Variants in EYS observed in about 807,000 individuals in gnomAD.
EYS encodes the protein EGF-like photoreceptor maintenance factor, also known as protein eyes shut homolog.
In EYS, 250 loss-of-function variants were observed where a neutral mutation model predicts 282.1. The ratio of observed to expected loss-of-function variants is 0.89; its 90% confidence interval spans 0.80 to 0.98. The LOEUF (loss-of-function observed/expected upper bound fraction) is 0.98, where lower values mean the gene tolerates loss of function less well. EYS is among the 50% of genes least tolerant of loss of function. The pLI, the probability that EYS is intolerant of heterozygous loss-of-function variation, is 0.00. For synonymous variants in EYS, 1,355 were observed against 1,282.9 expected, an observed-to-expected ratio of 1.06 and a Z score of -1.20; for missense variants, 4,016 against 3,709.0, an observed-to-expected ratio of 1.08 and a Z score of -2.15.
intron 12 of EYS, among the ~76,000 whole-genome samples, chr6:65,120,551 A>T (rs541406152): frequency 1.3e-5 from 2 of 151,268 alleles, no homozygotes; most frequent in South Asian, 4.2e-4. Flanking sequence ...AATGCAAACC[A>T]TGTGGAGTTT....
At chr6:65,574,353 G>C (rs9363400) in intron 2 of EYS, among the ~76,000 whole-genome samples, 26,384 of 152,106 alleles carry the variant, frequency 0.17, 2,845 homozygotes, top group Middle Eastern at 0.33. Flanking sequence ...CAAAGACAAA[G>C]AGAAGGTCCT....
chr6:65,577,404 C>T (rs1342175660), intron 2 of EYS, among the ~76,000 whole-genome samples: 3 of 151,804 alleles, frequency 2.0e-5, no homozygotes, highest in African/African-American at 7.2e-5. Context: ...GTTAGACTCT[C>T]ATCTCTATCT....
At chr6:63,831,017 G>A (rs1313461297) in intron 36 of EYS, among the ~76,000 whole-genome samples, 4 of 152,298 alleles carry the variant, frequency 2.6e-5, no homozygotes, top group Non-Finnish European at 4.4e-5. Flanking sequence ...AACAAATGCT[G>A]AGAGATTTTG....
chr6:64,952,341 GACTTATATAATTTTAAGCATGTT>G (rs1554221022), intron 14 of EYS, among the ~76,000 whole-genome samples: 1 of 151,936 alleles, frequency 6.6e-6, no homozygotes, highest in Non-Finnish European at 1.5e-5. Context: ...TAAGAATTAT[GACTTATATAATTTTAAGCATGTT>G]ACTTAATTTC....
intron 12 of EYS, among the ~76,000 whole-genome samples, chr6:65,091,481 A>AAATAAATAAATG (rs1481532108): frequency 1.9e-4 from 29 of 151,642 alleles, no homozygotes; most frequent in Non-Finnish European, 3.7e-4. Context: ...ATAAATAAAT[A>AAATAAATAAATG]AATAACTGCT....
At chr6:64,454,173 GCT>G (rs2150479980) in intron 26 of EYS, among the ~76,000 whole-genome samples, 1 of 152,008 alleles carries the variant, frequency 6.6e-6, no homozygotes, top group South Asian at 2.1e-4. Context: ...CTGTATTTTG[GCT>G]CTGTCAGGCA....
chr6:65,511,270 T>C (rs1271682593), intron 2 of EYS, among the ~76,000 whole-genome samples: 1 of 152,174 alleles, frequency 6.6e-6, no homozygotes, highest in Non-Finnish European at 1.5e-5. Flanking sequence ...TTAAAGAGTA[T>C]GTAAATAATT....
intron 35 of EYS, among the ~76,000 whole-genome samples, chr6:63,923,824 C>T (rs1031847375): frequency 3.3e-5 from 5 of 152,122 alleles, no homozygotes; most frequent in South Asian, 2.1e-4. Flanking sequence ...TGAGAACATG[C>T]GGTATTTGGC....
At chr6:63,800,230 G>C (rs948240116) in intron 37 of EYS, among the ~76,000 whole-genome samples, 2 of 152,172 alleles carry the variant, frequency 1.3e-5, no homozygotes, top group Admixed American at 6.5e-5. Flanking sequence ...TTGTGATAGA[G>C]GTTGTGTGTG....
At chr6:64,979,450 G>A (rs1343827419) in intron 14 of EYS, among the ~76,000 whole-genome samples, 3 of 151,690 alleles carry the variant, frequency 2.0e-5, no homozygotes, top group Non-Finnish European at 4.4e-5. Context: ...GGGAAAAAAA[G>A]AGGAATCATA....
chr6:64,430,741 A>G (rs1774549705), intron 28 of EYS, among the ~76,000 whole-genome samples: 1 of 152,142 alleles, frequency 6.6e-6, no homozygotes, highest in Non-Finnish European at 1.5e-5. Flanking sequence ...AAGTGTCTCC[A>G]TGTGACTAAT....
chr6:65,092,762 C>A (rs992750391), intron 12 of EYS, among the ~76,000 whole-genome samples: 2 of 152,060 alleles, frequency 1.3e-5, no homozygotes, highest in Non-Finnish European at 1.5e-5. Context: ...TAACACAGGT[C>A]ATTTGCAATT....
intron 29 of EYS, among the ~76,000 whole-genome samples, chr6:64,368,129 T>G (rs919664838): frequency 1.3e-5 from 2 of 152,092 alleles, no homozygotes; most frequent in Non-Finnish European, 1.5e-5. Context: ...TGGTGTCTGT[T>G]GTTCTCGTCT....
At chr6:65,396,299 C>T (rs565456793) in intron 7 of EYS, among the ~76,000 whole-genome samples, 6 of 152,234 alleles carry the variant, frequency 3.9e-5, no homozygotes, top group African/African-American at 1.4e-4. Flanking sequence ...TCAATGTTAA[C>T]TTACATAATC....
At chr6:65,261,457 A>G (rs1265746817) in intron 12 of EYS, among the ~76,000 whole-genome samples, 1 of 152,146 alleles carries the variant, frequency 6.6e-6, no homozygotes, top group African/African-American at 2.4e-5. Context: ...AAAACTCTTA[A>G]GTTGCTTGTG....
chr6:64,981,255 G>GT (rs1287945478), intron 14 of EYS, among the ~76,000 whole-genome samples: 1 of 151,324 alleles, frequency 6.6e-6, no homozygotes, highest in Admixed American at 6.6e-5. Flanking sequence ...AGAATGCAAG[G>GT]TAATAGAGAA....
intron 11 of EYS, among the ~76,000 whole-genome samples, chr6:65,306,571 T>G (rs1007348341): frequency 6.6e-6 from 1 of 151,900 alleles, no homozygotes; most frequent in African/African-American, 2.4e-5. Flanking sequence ...CTGGTATTAG[T>G]CAATGTTTCG....
chr6:64,538,583 T>C (rs1364164920), intron 26 of EYS, among the ~76,000 whole-genome samples: 3 of 152,186 alleles, frequency 2.0e-5, no homozygotes, highest in Non-Finnish European at 4.4e-5. Context: ...CAAGGACTAT[T>C]ATCCTGCTAT....
In EYS at chr6:64,025,268, C is replaced by G. The variant is rs187722243; in HGVS notation, c.6726-26085G>C. ...TTGGTTTGCCTAGAACCAGCTTCCA[C>G]TTTTCCTGTACTTCTGGGCTGAGCT... is the stretch of plus-strand genomic sequence containing the variant. On this transcript the variant is annotated intron_variant, in intron 33 of 42. Transcript: ENST00000503581. Among the ~76,000 whole-genome samples, 30 of 152,274 alleles carry G rather than the reference C, an allele frequency of 2.0e-4. No individual in the cohort carries two copies. In the East Asian group the frequency reaches 5.6e-3, roughly 29 times the overall value.
Sources: gnomAD v4.1 joint callset for allele counts (sites outside exome capture counted in the v4.1 genomes callset) on GRCh38, gnomAD v4.1.1 for gene constraint, MANE v1.5 for transcripts, NCBI Gene and HGNC (gene_info 2026-07-23, HGNC 2026-07-21) for gene names.